PALS2: variants seen among roughly 807,000 people sequenced by gnomAD.
PALS2 encodes the protein protein PALS2.
Under a neutral mutation model 61.6 loss-of-function variants are expected in PALS2, and 27 were observed. The observed-to-expected ratio is 0.44, with a 90% CI of 0.32 to 0.60. The LOEUF is 0.60. Ranked by LOEUF, PALS2 falls within the 20% of genes least tolerant of loss-of-function variation. PALS2 has a pLI of 0.05. For missense variants in PALS2, 554 were observed against 639.4 expected, an observed-to-expected ratio of 0.87 and a Z score of 1.44; for synonymous variants, 236 against 218.6, an observed-to-expected ratio of 1.08 and a Z score of -0.70.
intron 1 of PALS2, among the ~76,000 whole-genome samples, chr7:24,597,414 G>A (rs982952783): frequency 3.3e-5 from 5 of 152,106 alleles, no homozygotes; most frequent in Non-Finnish European, 5.9e-5. Flanking sequence ...GAGATGGCAC[G>A]GGTGGAGAAC....
At chr7:24,621,159 C>T (rs958775149) in intron 1 of PALS2, among the ~76,000 whole-genome samples, 1 of 152,076 alleles carries the variant, frequency 6.6e-6, no homozygotes, top group African/African-American at 2.4e-5. Context: ...CTTATGTCAT[C>T]TTTCTTCATG....
chr7:24,630,028 G>A (rs1224088103), intron 2 of PALS2, among the ~76,000 whole-genome samples: 1 of 152,140 alleles, frequency 6.6e-6, no homozygotes, highest in Non-Finnish European at 1.5e-5. Flanking sequence ...ACATGCACAT[G>A]TATGTTTATT....
At chr7:24,654,109 CCCTTGGACA>C (rs1484574466) in intron 5 of PALS2, among the ~76,000 whole-genome samples, 1 of 151,836 alleles carries the variant, frequency 6.6e-6, no homozygotes, top group African/African-American at 2.4e-5. Flanking sequence ...AATTCCAAGA[CCCTTGGACA>C]CTGCTTTTTA....
chr7:24,654,771 A>G (rs1403370171), intron 5 of PALS2, among the ~76,000 whole-genome samples: 1 of 152,196 alleles, frequency 6.6e-6, no homozygotes, highest in African/African-American at 2.4e-5. Flanking sequence ...AAAAGCAGGA[A>G]TGGGGTCTGA....
intron 1 of PALS2, among the ~76,000 whole-genome samples, chr7:24,597,939 A>G (rs1050610597): frequency 2.6e-5 from 4 of 152,160 alleles, no homozygotes; most frequent in Non-Finnish European, 5.9e-5. Flanking sequence ...TTCTTTTTGT[A>G]GGACCAGGGC....
chr7:24,680,385 T>A lies in PALS2; in HGVS notation c.1318-7T>A. On this transcript the variant is annotated splice_region_variant and splice_polypyrimidine_tract_variant and intron_variant, in intron 10 of 11. Coordinates refer to ENST00000222644, the MANE Select transcript of PALS2 (RefSeq NM_001303037.2). ...ATAAATTGGCTTATAATTATTCTTT[T>A]ACACAGGCACTGAAAGTATTGAGGA... 6.2e-7 allele frequency: 1 copy of A among 1,610,298 alleles called. No individual in the cohort carries two copies. The highest frequency in any genetic ancestry group is 1.1e-5 in the South Asian group (1 of 90,876).
Position 24,645,503 on chromosome 7 carries a change from T to A in PALS2, c.270+3635T>A, listed in dbSNP as rs138406512. Among the ~76,000 whole-genome samples the A allele has an allele frequency of 4.6e-4, 70 of 152,330 alleles. 2 individuals carry two copies. The East Asian group carries it at 0.013, about 29-fold the overall frequency. On this transcript the variant is annotated intron_variant, in intron 3 of 11. Coordinates refer to ENST00000222644, the MANE Select transcript of PALS2 (RefSeq NM_001303037.2). ...GCCTGTTTTTGTACCAGTATCATGC[T>A]GTTTTGGTTACTGTAGCCTTGTAGT...
At chr7:24,682,666 G>T (rs760643895) in intron 11 of PALS2, among the ~76,000 whole-genome samples, 4 of 152,134 alleles carry the variant, frequency 2.6e-5, no homozygotes, top group Non-Finnish European at 5.9e-5. Context: ...TAATTGTTAG[G>T]TGGGAGAGTT....
intron 1 of PALS2, among the ~76,000 whole-genome samples, chr7:24,601,114 G>T (rs1783706547): frequency 6.6e-6 from 1 of 151,588 alleles, no homozygotes; most frequent in Non-Finnish European, 1.5e-5. Context: ...TTATTTTTTT[G>T]GTTTTAACCA....
chr7:24,671,344 A>C (rs1001993326), intron 9 of PALS2, among the ~76,000 whole-genome samples: 1 of 152,186 alleles, frequency 6.6e-6, no homozygotes, highest in African/African-American at 2.4e-5. Context: ...ATGTCTGTTC[A>C]AACTGGTTGC....
chr7:24,650,276 G>A (rs1433667147), intron 4 of PALS2, among the ~76,000 whole-genome samples: 1 of 152,046 alleles, frequency 6.6e-6, no homozygotes, highest in African/African-American at 2.4e-5. Context: ...TTTCCATTTA[G>A]CCTGTAAGAT....
At chr7:24,632,437 G>T (rs950988963) in intron 2 of PALS2, among the ~76,000 whole-genome samples, 1 of 152,050 alleles carries the variant, frequency 6.6e-6, no homozygotes, top group Non-Finnish European at 1.5e-5. Context: ...GTCTTGCTCT[G>T]TTGCCAGGCT....
At position 24,602,332 on chromosome 7, in the gene PALS2, C is replaced by G. The variant is rs866066917; in HGVS notation, c.-2-21334C>G. ...CCTATTTGTTTATTTTAATCTCTTT[C>G]ATTTACTAGGCTTTTCTCAGCTATC... On this transcript the variant is annotated intron_variant, in intron 1 of 11. Transcript: ENST00000222644. Among the ~76,000 whole-genome samples the G allele has an allele frequency of 2.6e-5, 4 of 152,056 alleles. No individual in the cohort carries two copies. In the Middle Eastern group the frequency reaches 0.01, roughly 388 times the overall value.
At chr7:24,681,891 C>G (rs1443273359) in intron 11 of PALS2, among the ~76,000 whole-genome samples, 3 of 152,144 alleles carry the variant, frequency 2.0e-5, no homozygotes, top group Non-Finnish European at 4.4e-5. Context: ...TCAAGTTGAT[C>G]CATGTCTCTA....
At chr7:24,653,963 C>G (rs1036477211) in intron 5 of PALS2, among the ~76,000 whole-genome samples, 7 of 152,108 alleles carry the variant, frequency 4.6e-5, no homozygotes, top group African/African-American at 1.7e-4. Flanking sequence ...AAGTGGTGAT[C>G]TTGTTCAGAA....
Position 24,687,099 on chromosome 7 carries a change from AGT to A in PALS2, c.1447-337_1447-336del, listed in dbSNP as rs1788242990. 6.6e-6 allele frequency among the ~76,000 whole-genome samples: 1 copy of A among 152,240 alleles called. No homozygotes were observed. Among genetic ancestry groups the A allele is most frequent in the African/African-American group, 2.4e-5 (1 of 41,462 alleles). ...AAAAATCTTTCGAAAAGGATGATAT[AGT>A]GGAGCTGGAAACCAGTCACCTGCAG... On this transcript the variant is annotated intron_variant, in intron 11 of 11. Coordinates refer to ENST00000222644, the MANE Select transcript of PALS2 (RefSeq NM_001303037.2). The surrounding 1 kb of genome is among the most constrained non-coding windows in gnomAD (Gnocchi z 4.5).
intron 1 of PALS2, among the ~76,000 whole-genome samples, chr7:24,599,728 C>T (rs1444957330): frequency 1.3e-5 from 2 of 151,978 alleles, no homozygotes; most frequent in African/African-American, 2.4e-5. Flanking sequence ...TGGTCTTGAA[C>T]TCCTGACCTC....
chr7:24,637,491 G>A (rs935472319), intron 2 of PALS2, among the ~76,000 whole-genome samples: 2 of 151,810 alleles, frequency 1.3e-5, no homozygotes, highest in South Asian at 2.1e-4. Context: ...GAAGAGGGTG[G>A]TGCTTGATCA....
chr7:24,598,199 A>G (rs1466612539), intron 1 of PALS2, among the ~76,000 whole-genome samples: 1 of 152,220 alleles, frequency 6.6e-6, no homozygotes, highest in Non-Finnish European at 1.5e-5. Flanking sequence ...AGTTCTGTTA[A>G]AGCAGAAAAT....
Sources: allele counts gnomAD v4.1 joint callset (sites outside exome capture counted in the v4.1 genomes callset), GRCh38; gene constraint gnomAD v4.1.1; non-coding constraint Gnocchi (gnomAD v3.1); transcripts MANE v1.5; gene names NCBI Gene and HGNC (gene_info 2026-07-23, HGNC 2026-07-21).